CRIM1: variants seen among roughly 807,000 people sequenced by gnomAD.
CRIM1 encodes cysteine-rich motor neuron 1 protein.
CRIM1 carries 32 observed loss-of-function variants against 116.4 expected under a neutral mutation model. The ratio of observed to expected loss-of-function variants is 0.27; its 90% CI spans 0.21 to 0.37. The LOEUF (loss-of-function observed/expected upper bound fraction) is 0.37, where lower values mean the gene tolerates loss of function less well. Ranked by LOEUF, CRIM1 falls within the 10% of genes least tolerant of loss-of-function variation. CRIM1 has a pLI of 1.00. For synonymous variants in CRIM1, 590 were observed against 509.2 expected, an observed-to-expected ratio of 1.16 and a Z score of -2.13; for missense variants, 1,331 against 1,354.8, an observed-to-expected ratio of 0.98 and a Z score of 0.28.
intron 5 of CRIM1, among the ~76,000 whole-genome samples, chr2:36,472,061 G>A (rs994158360): frequency 6.6e-6 from 1 of 152,164 alleles, no homozygotes; most frequent in South Asian, 2.1e-4. Flanking sequence ...CAAGAAGGAA[G>A]GGAAGATCCC....
At position 36,464,582 on chromosome 2, in the gene CRIM1, A is replaced by T. The variant is rs1259184062; in HGVS notation, c.918A>T (p.Gly306=). The part of the protein sequence containing the change: ...GLCGFPVCEV[G]STPRIVSRGD... Reference sequence around the variant, plus strand: ...GTGGTTTCCCCGTGTGTGAGGTGGGATCCACTCCCCGCATAGTCTCTCGTG... The same window carrying T: ...GTGGTTTCCCCGTGTGTGAGGTGGGTTCCACTCCCCGCATAGTCTCTCGTG... The change falls in exon 5 of 17, where the codon GGA becomes GGT. Residue 306 remains glycine (G), a synonymous_variant. Transcript: ENST00000280527. 8.1e-6 allele frequency: 13 copies of T among 1,613,862 alleles called. No individual in the cohort carries two copies. The highest frequency in any genetic ancestry group is 3.3e-5 in the Admixed American group (2 of 59,984).
intron 2 of CRIM1, among the ~76,000 whole-genome samples, chr2:36,415,742 C>T (rs1171696790): frequency 6.6e-6 from 1 of 152,210 alleles, no homozygotes; most frequent in East Asian, 1.9e-4. Context: ...ATCATTCTTC[C>T]TCCATCCCCT....
At chr2:36,448,527 G>A (rs1359296590) in intron 4 of CRIM1, among the ~76,000 whole-genome samples, 3 of 152,152 alleles carry the variant, frequency 2.0e-5, no homozygotes, top group Non-Finnish European at 4.4e-5. Flanking sequence ...AGGCTTACAC[G>A]GTAGACATTA....
At chr2:36,386,386 T>C (rs957465888) in intron 1 of CRIM1, among the ~76,000 whole-genome samples, 6 of 152,216 alleles carry the variant, frequency 3.9e-5, no homozygotes, top group African/African-American at 1.2e-4. Flanking sequence ...TGTGGAAGTG[T>C]TGCTTGATAC....
At chr2:36,487,108 T>C (rs1018444483) in intron 7 of CRIM1, among the ~76,000 whole-genome samples, 1 of 152,212 alleles carries the variant, frequency 6.6e-6, no homozygotes, top group African/African-American at 2.4e-5. Context: ...TACTGCCCAA[T>C]GTTCAACAGA....
chr2:36,522,813 A>G (rs1005040237), intron 13 of CRIM1, among the ~76,000 whole-genome samples: 36 of 142,626 alleles, frequency 2.5e-4, no homozygotes, highest in Non-Finnish European at 4.1e-4. Context: ...AAAAAAAAAA[A>G]AAGAAGAAGA....
chr2:36,450,411 G>C lies in CRIM1; in HGVS notation c.869+7676G>C, dbSNP rs1002952926. Among the ~76,000 whole-genome samples, 4 of 152,254 alleles carry C rather than the reference G, an allele frequency of 2.6e-5. No homozygotes were observed. In the South Asian group the frequency reaches 8.3e-4, roughly 32 times the overall value. The stretch of plus-strand genomic sequence containing the variant: ...CTCCGTATTCATATTGTTCTTTTCT[G>C]TGTTTTACATTTAATCGTGCATACA... On this transcript the variant is annotated intron_variant, in intron 4 of 16. Coordinates refer to ENST00000280527, the MANE Select transcript of CRIM1 (RefSeq NM_016441.3).
At chr2:36,427,829 C>A (rs565862400) in intron 2 of CRIM1, among the ~76,000 whole-genome samples, 1 of 152,302 alleles carries the variant, frequency 6.6e-6, no homozygotes, top group South Asian at 2.1e-4. Flanking sequence ...GCAGGCCTGC[C>A]CTGGCTCCCA....
chr2:36,480,078 G>C (rs145962424), intron 7 of CRIM1, among the ~76,000 whole-genome samples: 1 of 152,146 alleles, frequency 6.6e-6, no homozygotes, highest in African/African-American at 2.4e-5. Flanking sequence ...ATGCCCAAGC[G>C]TCCTGGCAAC....
chr2:36,445,904 AAAG>A (rs1676207658), intron 4 of CRIM1, among the ~76,000 whole-genome samples: 1 of 152,348 alleles, frequency 6.6e-6, no homozygotes, highest in Non-Finnish European at 1.5e-5. Flanking sequence ...ATTTAGGCAT[AAAG>A]AAGAAGATTA....
At chr2:36,508,860 G>A (rs554392104) in intron 8 of CRIM1, among the ~76,000 whole-genome samples, 1 of 152,132 alleles carries the variant, frequency 6.6e-6, no homozygotes, top group Non-Finnish European at 1.5e-5. Context: ...TTCTAAAATA[G>A]TATTGTAACT....
intron 13 of CRIM1, among the ~76,000 whole-genome samples, chr2:36,533,561 T>C (rs936820684): frequency 2.6e-5 from 4 of 151,968 alleles, no homozygotes; most frequent in Non-Finnish European, 1.5e-5. Context: ...ACCACTACAC[T>C]CCAGCCTGGG....
chr2:36,477,232 G>T (rs1679055899), intron 6 of CRIM1, among the ~76,000 whole-genome samples, 161 bp downstream of exon 6: 1 of 152,138 alleles, frequency 6.6e-6, no homozygotes, highest in South Asian at 2.1e-4. Flanking sequence ...GCATGTTAAA[G>T]CCAGGTAGAG....
chr2:36,394,392 T>C (rs903826815), intron 1 of CRIM1, among the ~76,000 whole-genome samples: 3 of 152,190 alleles, frequency 2.0e-5, no homozygotes, highest in Non-Finnish European at 2.9e-5. Context: ...TGTTAACAGT[T>C]AAACAGATAA....
At chr2:36,536,435 C>T (rs1666560150) in intron 13 of CRIM1, among the ~76,000 whole-genome samples, 1 of 152,130 alleles carries the variant, frequency 6.6e-6, no homozygotes. Flanking sequence ...AAAATGTCCC[C>T]GGATTAGTAG....
chr2:36,373,692 T>C (rs1380839743), intron 1 of CRIM1, among the ~76,000 whole-genome samples: 1 of 152,140 alleles, frequency 6.6e-6, no homozygotes, highest in African/African-American at 2.4e-5. Context: ...ATGCAGGCAT[T>C]CTCTGTCAGT....
chr2:36,512,533 C>A, intron 10 of CRIM1, 139 bp downstream of exon 10: 1 of 808,648 alleles, frequency 1.2e-6, no homozygotes, highest in South Asian at 2.4e-5. Context: ...TGGGACCGTC[C>A]CACAGGACTC....
chr2:36,448,593 C>G (rs1676436428), intron 4 of CRIM1, among the ~76,000 whole-genome samples: 1 of 152,074 alleles, frequency 6.6e-6, no homozygotes, highest in African/African-American at 2.4e-5. Context: ...CACTGTAAGT[C>G]ACGAGTTTTT....
At chr2:36,487,198 TC>T (rs2125061955) in intron 7 of CRIM1, among the ~76,000 whole-genome samples, 1 of 152,300 alleles carries the variant, frequency 6.6e-6, no homozygotes, top group East Asian at 1.9e-4. Context: ...TTGCCTCAGT[TC>T]CAAGGAATTC....
Sources: gnomAD v4.1 joint callset for allele counts (sites outside exome capture counted in the v4.1 genomes callset) on GRCh38, gnomAD v4.1.1 for gene constraint, MANE v1.5 for transcripts, NCBI Gene and HGNC (gene_info 2026-07-23, HGNC 2026-07-21) for gene names.